Variants in LY75 observed in about 807,000 individuals in gnomAD.
The protein encoded by LY75 is lymphocyte antigen 75.
LY75 carries 185 observed loss-of-function variants against 231.7 expected under a neutral mutation model. The ratio of observed to expected loss-of-function variants is 0.80; its 90% CI spans 0.71 to 0.90. The LOEUF (loss-of-function observed/expected upper bound fraction) is 0.90, where lower values mean the gene tolerates loss of function less well. Ranked by LOEUF, LY75 falls within the 40% of genes least tolerant of loss-of-function variation. LY75 has a pLI of 0.00. For synonymous variants in LY75, 668 were observed against 689.0 expected, an observed-to-expected ratio of 0.97 and a Z score of 0.48; for missense variants, 1,947 against 2,050.2, an observed-to-expected ratio of 0.95 and a Z score of 0.97.
At chr2:159,849,951 G>T (rs1211395423) in intron 23 of LY75, 29 bp downstream of exon 23, 2 of 1,604,178 alleles carry the variant, frequency 1.2e-6, no homozygotes, top group Non-Finnish European at 1.7e-6. Flanking sequence ...ACAGAGGTAT[G>T]AAGAGTATTG....
chr2:159,850,403 T>C lies in LY75; in HGVS notation c.2948A>G (p.Tyr983Cys), dbSNP rs776171250. ...FSQASDTCHS[Y>C]GGTLPSVLSQ... ...CAACACTGAAGGAAGGGTGCCACCA[T>C]AGGAGTGACAGGTATCGCTTGCTTG... is the stretch of plus-strand genomic sequence containing the variant. Residue 983 changes from tyrosine to cysteine, a missense_variant, in exon 22 of 35, where the codon TAT (tyrosine) becomes TGT (cysteine). Tyr to Cys is a radical substitution (Grantham distance 194). Transcript: ENST00000263636. 3.7e-6 allele frequency: 6 copies of C among 1,613,580 alleles called. No individual in the cohort carries two copies. In the South Asian group the frequency reaches 4.4e-5, roughly 12 times the overall value.
chr2:159,856,823 C>T (rs1027740877), intron 16 of LY75, among the ~76,000 whole-genome samples: 2 of 152,048 alleles, frequency 1.3e-5, no homozygotes, highest in South Asian at 4.1e-4. Context: ...CCTCCACATG[C>T]CCTTCATACT....
At chr2:159,850,791 T>TATATATATATATATATATATATAAA (rs1341394980) in intron 21 of LY75, among the ~76,000 whole-genome samples, 5 of 94,500 alleles carry the variant, frequency 5.3e-5, no homozygotes, top group Admixed American at 1.1e-4. Flanking sequence ...TATATATATA[T>TATATATATATATATATATATATAAA]ATATATATTA....
At chr2:159,853,182 T>C (rs1684454156) in intron 20 of LY75, 91 bp downstream of exon 20, 2 of 1,330,350 alleles carry the variant, frequency 1.5e-6, no homozygotes, top group Non-Finnish European at 2.1e-6. Context: ...ACCAAACATA[T>C]AATTAAAAGG....
At chr2:159,835,736 A>T (rs1421568150) in intron 25 of LY75, 91 bp from the exon 26 acceptor site, 37 of 1,482,568 alleles carry the variant, frequency 2.5e-5, no homozygotes, top group Non-Finnish European at 3.2e-5. Flanking sequence ...ATGATTTTTA[A>T]TTTTTTTAAT....
chr2:159,823,470 T>C (rs1045588524), intron 28 of LY75, among the ~76,000 whole-genome samples: 3 of 152,166 alleles, frequency 2.0e-5, no homozygotes, highest in Non-Finnish European at 4.4e-5. Flanking sequence ...AATCTACGTT[T>C]GACTGGTGTA....
chr2:159,848,385 T>C (rs1684283181), intron 23 of LY75, among the ~76,000 whole-genome samples: 1 of 151,810 alleles, frequency 6.6e-6, no homozygotes, highest in African/African-American at 2.4e-5. Context: ...AATGACACAA[T>C]GAACTTTGGG....
intron 28 of LY75, among the ~76,000 whole-genome samples, chr2:159,822,035 C>A (rs1420559047): frequency 3.3e-5 from 5 of 152,232 alleles, no homozygotes; most frequent in Non-Finnish European, 5.9e-5. Context: ...TTGCAACCTG[C>A]AAACGAGGAG....
At chr2:159,838,801 AT>A (rs975530449) in intron 25 of LY75, among the ~76,000 whole-genome samples, 4 of 148,630 alleles carry the variant, frequency 2.7e-5, no homozygotes, top group African/African-American at 4.9e-5. Context: ...TAATTAATTA[AT>A]TTTTTTATTT....
chr2:159,885,137 T>G lies in LY75; in HGVS notation c.1054+16A>C. 6.2e-7 allele frequency: 1 copy of G among 1,610,130 alleles called. No individual in the cohort carries two copies. The highest frequency in any genetic ancestry group is 8.5e-7 in the Non-Finnish European group (1 of 1,177,890). On this transcript the variant is annotated intron_variant, in intron 6 of 34. Transcript: ENST00000263636. ...AGACCTATTTGTCTATTTGTATGAG[T>G]ATGTGAGAAAGATACCTGTTAACTC...
At chr2:159,847,424 A>G (rs892102424) in intron 23 of LY75, among the ~76,000 whole-genome samples, 9 of 152,050 alleles carry the variant, frequency 5.9e-5, no homozygotes, top group African/African-American at 2.2e-4. Flanking sequence ...CTTGAACCCC[A>G]GGGCTTAAGC....
chr2:159,833,123 C>T (rs1683715226), intron 27 of LY75, among the ~76,000 whole-genome samples: 1 of 146,070 alleles, frequency 6.8e-6, no homozygotes, highest in Non-Finnish European at 1.5e-5. Flanking sequence ...ATTTCTTTCC[C>T]CCTTCCTTTT....
chr2:159,837,812 C>G (rs1683878566), intron 25 of LY75, among the ~76,000 whole-genome samples: 2 of 152,274 alleles, frequency 1.3e-5, no homozygotes, highest in South Asian at 4.1e-4. Flanking sequence ...TCACTGCAAA[C>G]TCCCCATGAC....
At position 159,835,556 on chromosome 2, in the gene LY75, T is replaced by C; in HGVS notation, c.3597A>G (p.Val1199=). Residue 1199 remains valine (V), a synonymous_variant, in exon 26 of 35, where the codon GTA becomes GTG. Transcript: ENST00000263636. ...TTTTCCAGAATCCATCAGTGTCTAA[T>C]ACTACACAGTCTTCGAGTTGCCCAT... is the stretch of plus-strand genomic sequence containing the variant. ...ETNGQLEDCV[V]LDTDGFWKTV... 6.2e-7 allele frequency: 1 copy of C among 1,613,844 alleles called. No individual in the cohort carries two copies. Among genetic ancestry groups the C allele is most frequent in the Non-Finnish European group, 8.5e-7 (1 of 1,179,896 alleles).
intron 28 of LY75, among the ~76,000 whole-genome samples, chr2:159,828,229 A>C (rs1440652818): frequency 6.7e-6 from 1 of 149,930 alleles, no homozygotes; most frequent in East Asian, 1.9e-4. Flanking sequence ...TTTTAAAATA[A>C]TTTGGAAATT....
Position 159,835,598 on chromosome 2 carries a change from A to T in LY75, c.3555T>A (p.Ser1185Arg). 6.2e-7 allele frequency: 1 copy of T among 1,613,824 alleles called. No individual in the cohort carries two copies. The highest frequency in any genetic ancestry group is 8.5e-7 in the Non-Finnish European group (1 of 1,179,874). Residue 1185 changes from serine to arginine, a missense_variant, in exon 26 of 35, where the codon AGT becomes AGA. Transcript: ENST00000263636. ...GWSDGKRLHF[S>R]RWAETNGQLE... ...GTTGCCCATTAGTTTCAGCCCAGCG[A>T]CTAAAATGAAGACGTTTCCCATCTG...
At chr2:159,877,657 G>A (rs1456106469) in intron 11 of LY75, among the ~76,000 whole-genome samples, 1 of 152,072 alleles carries the variant, frequency 6.6e-6, no homozygotes, top group Non-Finnish European at 1.5e-5. Flanking sequence ...ATTACTTGGG[G>A]TCAGGAGATC....
intron 31 of LY75, among the ~76,000 whole-genome samples, chr2:159,812,585 C>T (rs993687730): frequency 6.6e-6 from 1 of 151,948 alleles, no homozygotes; most frequent in Admixed American, 6.6e-5. Flanking sequence ...CTAATTTTTA[C>T]ACGTTTTTGT....
At chr2:159,830,144 G>T (rs1683604176) in intron 28 of LY75, among the ~76,000 whole-genome samples, 1 of 152,150 alleles carries the variant, frequency 6.6e-6, no homozygotes, top group South Asian at 2.1e-4. Context: ...TCTATTGCTT[G>T]ATAGTTTAAT....
Sources: gnomAD v4.1 joint callset for allele counts (sites outside exome capture counted in the v4.1 genomes callset) on GRCh38, gnomAD v4.1.1 for gene constraint, MANE v1.5 for transcripts, NCBI Gene and HGNC (gene_info 2026-07-23, HGNC 2026-07-21) for gene names.